DPP6: variants seen among roughly 807,000 people sequenced by gnomAD.
The protein encoded by DPP6 is dipeptidyl peptidase like 6.
DPP6 carries 69 observed loss-of-function variants against 122.6 expected under a neutral mutation model. That is an observed-to-expected ratio of 0.56 (90% CI 0.46 to 0.69). The LOEUF (loss-of-function observed/expected upper bound fraction) is 0.69. Among genes scored for constraint, DPP6 ranks in the 30% least tolerant of loss-of-function variants. DPP6 has a pLI of 0.00. For missense variants in DPP6, 928 were observed against 1,116.9 expected, an observed-to-expected ratio of 0.83 and a Z score of 2.41; for synonymous variants, 418 against 433.1, an observed-to-expected ratio of 0.97 and a Z score of 0.43.
intron 1 of DPP6, among the ~76,000 whole-genome samples, chr7:154,434,063 G>A (rs4726417): frequency 0.72 from 109,422 of 152,124 alleles, 39,505 homozygotes; most frequent in East Asian, 0.81. Context: ...TTTTAAACCT[G>A]TAACAATTTA....
chr7:153,947,352 CT>C (rs1172355508), intron 1 of DPP6, among the ~76,000 whole-genome samples: 5 of 152,158 alleles, frequency 3.3e-5, no homozygotes, highest in Non-Finnish European at 5.9e-5. Flanking sequence ...GAGGGAGGGT[CT>C]GTCTCAGGCC....
chr7:154,155,265 G>C lies in DPP6; in HGVS notation c.243+102202G>C, dbSNP rs528737907. Among the ~76,000 whole-genome samples, 8 of 152,290 alleles carry C rather than the reference G, an allele frequency of 5.3e-5. No individual in the cohort carries two copies. The East Asian group carries it at 9.6e-4, about 18-fold the overall frequency. ...GGTAAGGGTTTAGAACCTTGTCCCC[G>C]CCTGCATATGATAGACATGGGGAGG... On this transcript the variant is annotated intron_variant, in intron 1 of 25. Coordinates refer to ENST00000377770, the MANE Select transcript of DPP6 (RefSeq NM_130797.4).
chr7:154,416,717 C>T (rs1318292845), intron 1 of DPP6, among the ~76,000 whole-genome samples: 1 of 28,324 alleles, frequency 3.5e-5, no homozygotes, highest in Non-Finnish European at 1.4e-4. Context: ...CTGCTAAATT[C>T]TAGTCTGTCA....
chr7:154,782,357 T>C (rs951329556), intron 10 of DPP6, among the ~76,000 whole-genome samples: 1 of 152,256 alleles, frequency 6.6e-6, no homozygotes, highest in Admixed American at 6.5e-5. Context: ...ATTATCAAAA[T>C]GCTTCAATAT....
intron 1 of DPP6, among the ~76,000 whole-genome samples, chr7:154,430,218 T>C (rs1259171712): frequency 6.6e-6 from 1 of 152,194 alleles, no homozygotes; most frequent in Non-Finnish European, 1.5e-5. Context: ...TAGACAGCAC[T>C]AAGGCACGGG....
the DPP6 span, among the ~76,000 whole-genome samples, chr7:153,764,607 G>C: frequency 6.6e-6 from 1 of 151,858 alleles, no homozygotes; most frequent in Non-Finnish European, 1.5e-5. Context: ...GGAGCTTTTG[G>C]AGAGCTTCTT....
At chr7:154,806,820 T>C (rs1798723371) in intron 15 of DPP6, among the ~76,000 whole-genome samples, 174 bp from the exon 16 acceptor site, 1 of 152,088 alleles carries the variant, frequency 6.6e-6, no homozygotes, top group Non-Finnish European at 1.5e-5. Context: ...AAGGTGGAAA[T>C]GGAGCTGGGT....
chr7:154,355,788 T>A (rs1811226132), intron 1 of DPP6, among the ~76,000 whole-genome samples: 1 of 152,226 alleles, frequency 6.6e-6, no homozygotes, highest in Non-Finnish European at 1.5e-5. Context: ...GGTTTAGATA[T>A]CATCTTTAAG....
the DPP6 span, among the ~76,000 whole-genome samples, chr7:153,802,903 C>G: frequency 6.6e-6 from 1 of 152,156 alleles, no homozygotes; most frequent in Non-Finnish European, 1.5e-5. Context: ...GAAACACCCT[C>G]GCCCCAATCA....
intron 7 of DPP6, among the ~76,000 whole-genome samples, chr7:154,689,533 C>T (rs757120116): frequency 4.0e-5 from 6 of 151,876 alleles, no homozygotes; most frequent in Non-Finnish European, 8.8e-5. Context: ...TTGGGATGTA[C>T]TTTTTAATAT....
chr7:154,256,929 G>A (rs1802690862), intron 1 of DPP6, among the ~76,000 whole-genome samples: 1 of 151,898 alleles, frequency 6.6e-6, no homozygotes, highest in African/African-American at 2.4e-5. Context: ...TCTAGAAAAT[G>A]CCAGGCTTTA....
intron 1 of DPP6, among the ~76,000 whole-genome samples, chr7:153,905,631 A>G (rs1282864470): frequency 6.7e-6 from 1 of 149,996 alleles, no homozygotes; most frequent in Non-Finnish European, 1.5e-5. Context: ...ATTTGCTACT[A>G]CAGTGAGGTG....
chr7:154,806,956 T>C (rs750790802), intron 15 of DPP6, 38 bp from the exon 16 acceptor site: 1 of 1,607,862 alleles, frequency 6.2e-7, no homozygotes, highest in East Asian at 2.2e-5. Flanking sequence ...GCAGCTCCTC[T>C]CCGCCCACAT....
In DPP6 at chr7:154,755,560, T is replaced by G. The variant is rs1843621972; in HGVS notation, c.884-13857T>G. On this transcript the variant is annotated intron_variant, in intron 8 of 25. Coordinates refer to ENST00000377770, the MANE Select transcript of DPP6 (RefSeq NM_130797.4). The surrounding 1 kb of genome is among the most constrained non-coding windows in gnomAD (Gnocchi z 4.7). The stretch of plus-strand genomic sequence containing the variant: ...TGATTGCGTTGAGGATTAAATGAGT[T>G]AACCCATCTACGCAGTTAGAGCCGG... 6.6e-6 allele frequency among the ~76,000 whole-genome samples: 1 copy of G among 152,146 alleles called. No homozygotes were observed. The highest frequency in any genetic ancestry group is 1.5e-5 in the Non-Finnish European group (1 of 68,026).
At chr7:154,697,322 G>C (rs1008583465) in intron 7 of DPP6, among the ~76,000 whole-genome samples, 2 of 152,212 alleles carry the variant, frequency 1.3e-5, no homozygotes, top group Non-Finnish European at 2.9e-5. Context: ...CTGCCCACGA[G>C]AAGTTGCTCC....
chr7:153,823,556 C>G, the DPP6 span, among the ~76,000 whole-genome samples: 1 of 148,930 alleles, frequency 6.7e-6, no homozygotes, highest in African/African-American at 2.5e-5. Flanking sequence ...TCCCCAGTCC[C>G]CGGCAGCCGC....
intron 1 of DPP6, among the ~76,000 whole-genome samples, chr7:154,063,841 A>C (rs374623190): frequency 4.0e-5 from 6 of 151,338 alleles, no homozygotes; most frequent in Non-Finnish European, 7.4e-5. Flanking sequence ...CGGCAAGTGC[A>C]TGATAGTCTG....
intron 1 of DPP6, among the ~76,000 whole-genome samples, chr7:154,245,038 C>T (rs567858960): frequency 6.6e-6 from 1 of 151,254 alleles, no homozygotes; most frequent in South Asian, 2.1e-4. Flanking sequence ...ACAACCTCTG[C>T]CTCCCAGGTT....
At chr7:154,678,237 C>T (rs961250366) in intron 7 of DPP6, among the ~76,000 whole-genome samples, 2 of 152,342 alleles carry the variant, frequency 1.3e-5, no homozygotes, top group South Asian at 2.1e-4. Flanking sequence ...CGCCGCCCAA[C>T]AGCTGCAACC....
Sources: gnomAD v4.1 joint callset for allele counts (sites outside exome capture counted in the v4.1 genomes callset) on GRCh38, gnomAD v4.1.1 for gene constraint, Gnocchi (gnomAD v3.1) non-coding constraint, MANE v1.5 for transcripts, NCBI Gene and HGNC (gene_info 2026-07-23, HGNC 2026-07-21) for gene names.